Variants in ITGAL observed in about 807,000 individuals in gnomAD.
ITGAL encodes the protein integrin subunit alpha L.
Under a neutral mutation model 138.4 loss-of-function variants are expected in ITGAL, and 68 were observed. The observed-to-expected ratio is 0.49, with a 90% CI of 0.40 to 0.60. The LOEUF (loss-of-function observed/expected upper bound fraction) is 0.60. Among genes scored for constraint, ITGAL ranks in the 20% least tolerant of loss-of-function variants. ITGAL has a pLI of 0.00. For missense variants in ITGAL, 1,256 were observed against 1,478.6 expected (o/e 0.85, Z 2.47); for synonymous variants, 561 against 584.3 (o/e 0.96, Z 0.57).
rs201140268 is a variant in ITGAL at position 30,499,029 on chromosome 16, G to A, written c.1833-45G>A. 1.2e-4 allele frequency: 193 copies of A among 1,589,166 alleles called. No individual in the cohort carries two copies. In the African/African-American group the frequency reaches 2.3e-3, roughly 19 times the overall value. On this transcript the variant is annotated intron_variant, in intron 15 of 30. Transcript: ENST00000356798. Reference sequence around the variant, plus strand: ...GAGCCCCACATCTGAGGGGGGACGTGCAGTTGGGTTGGAGGGAGAGAGTTG... The same window carrying A: ...GAGCCCCACATCTGAGGGGGGACGTACAGTTGGGTTGGAGGGAGAGAGTTG...
rs1490182943 is a variant in ITGAL at position 30,519,820 on chromosome 16, A to G, written c.3229-37A>G. 2.1e-6 allele frequency: 3 copies of G among 1,403,438 alleles called. No individual in the cohort carries two copies. The East Asian group carries it at 6.8e-5, about 32-fold the overall frequency. The allele number at this position is 1,403,438 out of a possible 1,614,324, so 86.9% of individuals were successfully genotyped here. ...TTCACAGGGACTTTCAGGGGTGGAAAAGGCATTTTCCGGCACTCCCCTCCC... is the reference window on the plus strand; with the variant it reads ...TTCACAGGGACTTTCAGGGGTGGAAGAGGCATTTTCCGGCACTCCCCTCCC... On this transcript the variant is annotated intron_variant, in intron 29 of 30. Transcript: ENST00000356798.
chr16:30,521,436 T>C, intron 30 of ITGAL, 56 bp from the exon 31 acceptor site: 1 of 1,523,942 alleles, frequency 6.6e-7, no homozygotes, highest in South Asian at 1.2e-5. Flanking sequence ...TCACATTTTC[T>C]TGGGGCCAAA....
rs774887449 is a variant in ITGAL at position 30,510,917 on chromosome 16, A to G, written c.2656A>G (p.Ser886Gly). Reference protein sequence around the residue: ...LQMMFNTLVNSSWGDSVELHA... With the variant: ...LQMMFNTLVNGSWGDSVELHA... ...GATGATGTTTAATACACTGGTAAAC[A>G]GCTCCTGGGGGGACTCGGTTGAATT... Residue 886 changes from serine (S) to glycine (G), a missense_variant, in exon 23 of 31, where the codon AGC becomes GGC. This residue lies in a region of ITGAL where 867 missense variants were observed against 972.5 expected (regional missense o/e 0.89). Transcript: ENST00000356798. The G allele has an allele frequency of 6.2e-7, 1 of 1,614,106 alleles. No homozygotes were observed. Among genetic ancestry groups the G allele is most frequent in the South Asian group, 1.1e-5 (1 of 91,078 alleles).
chr16:30,475,734 CTTTT>C (rs35994365), intron 4 of ITGAL, among the ~76,000 whole-genome samples, 154 bp downstream of exon 4: 5 of 81,298 alleles, frequency 6.2e-5, no homozygotes, highest in Admixed American at 2.4e-4. Flanking sequence ...ATGAACCAGC[CTTTT>C]TTTTTTTTTT....
chr16:30,486,157 T>C (rs906975971), intron 9 of ITGAL, among the ~76,000 whole-genome samples: 7 of 152,184 alleles, frequency 4.6e-5, no homozygotes, highest in Non-Finnish European at 1.5e-5. Context: ...ATGTGATTCC[T>C]ACAGGAAAGT....
chr16:30,517,138 A>G, intron 26 of ITGAL, 52 bp downstream of exon 26: 1 of 1,211,244 alleles, frequency 8.3e-7, no homozygotes. Flanking sequence ...CTTGGGGGTG[A>G]GTGCATTTGA....
At position 30,494,650 on chromosome 16, in the gene ITGAL, A is replaced by G. The variant is rs1320339361; in HGVS notation, c.1366-63A>G. The G allele has an allele frequency of 4.5e-6, 7 of 1,538,644 alleles. No homozygotes were observed. The highest frequency in any genetic ancestry group is 6.2e-6 in the Non-Finnish European group (7 of 1,137,502). On this transcript the variant is annotated intron_variant, in intron 12 of 30. Transcript: ENST00000356798. This position sits in a 1 kb window ranked among gnomAD's most constrained non-coding sequence, Gnocchi z 4.2. ...GGCACAAGATGAACACGGTACAGGT[A>G]TCTCCCTGCCAACCCCTGCTGTTCC...
intron 21 of ITGAL, among the ~76,000 whole-genome samples, chr16:30,507,404 G>A (rs1023051021): frequency 2.7e-5 from 4 of 149,454 alleles, no homozygotes; most frequent in Admixed American, 6.7e-5. Flanking sequence ...AGCCTGCAGC[G>A]AGCCGAGATC....
rs1308564079 is a variant in ITGAL, at chr16:30,492,096, T to G, written c.1214-2116T>G. On this transcript the variant is annotated intron_variant, in intron 11 of 30. Coordinates refer to ENST00000356798, the MANE Select transcript of ITGAL (RefSeq NM_002209.3). ...TCAGTGACTCATCTCAGAGGATTCTTGCTGGTGGCTCTTGGCTCTAGCCCA... is the reference window on the plus strand; with the variant it reads ...TCAGTGACTCATCTCAGAGGATTCTGGCTGGTGGCTCTTGGCTCTAGCCCA... Among the ~76,000 whole-genome samples the G allele has an allele frequency of 3.9e-5, 6 of 152,270 alleles. No individual in the cohort carries two copies. The East Asian group carries it at 1.2e-3, about 29-fold the overall frequency.
intron 1 of ITGAL, 73 bp downstream of exon 1, chr16:30,472,971 G>A: frequency 7.1e-7 from 1 of 1,411,122 alleles, no homozygotes; most frequent in Non-Finnish European, 1.0e-6. Flanking sequence ...GGTGCAGCTG[G>A]AGTAAACAAG....
intron 28 of ITGAL, 124 bp downstream of exon 28, chr16:30,518,019 A>AT (rs1408390451): frequency 2.7e-6 from 2 of 739,946 alleles, no homozygotes; most frequent in Non-Finnish European, 4.8e-6. Context: ...GAAAAATCCC[A>AT]TTTACACAGT....
chr16:30,502,817 C>CT (rs71149035), intron 17 of ITGAL, among the ~76,000 whole-genome samples: 200 of 67,374 alleles, frequency 3.0e-3, no homozygotes, highest in East Asian at 0.018. Flanking sequence ...TTGTTTTAAA[C>CT]TTTTTTTTTT....
At chr16:30,517,135 G>A (rs761432740) in intron 26 of ITGAL, 49 bp downstream of exon 26, 4 of 1,269,098 alleles carry the variant, frequency 3.2e-6, no homozygotes, top group African/African-American at 1.5e-5. Flanking sequence ...GGTCTTGGGG[G>A]TGAGTGCATT....
At chr16:30,503,803 A>C (rs2050942227) in intron 17 of ITGAL, 1 of 168,732 alleles carries the variant, frequency 5.9e-6, no homozygotes, top group African/African-American at 2.4e-5. Flanking sequence ...ACCCAGCCCT[A>C]TTCTCAAGGA....
chr16:30,483,514 T>C (rs2050588931), intron 7 of ITGAL, among the ~76,000 whole-genome samples: 1 of 151,812 alleles, frequency 6.6e-6, no homozygotes, highest in Non-Finnish European at 1.5e-5. Context: ...GATTAAAGAG[T>C]GGTGGCCATG....
At chr16:30,487,105 C>T (rs1001287222) in intron 9 of ITGAL, among the ~76,000 whole-genome samples, 42 of 148,844 alleles carry the variant, frequency 2.8e-4, no homozygotes, top group African/African-American at 1.0e-3. Flanking sequence ...ATTGTGCCAC[C>T]GCCCTCCAGC....
rs1235955859 is a variant in ITGAL at position 30,479,399 on chromosome 16, T to C, written c.514T>C (p.Phe172Leu). 1 of 1,613,976 alleles carries C rather than the reference T, an allele frequency of 6.2e-7. No individual in the cohort carries two copies. The highest frequency in any genetic ancestry group is 8.5e-7 in the Non-Finnish European group (1 of 1,180,002). Reference protein sequence around the residue: ...DGSMSLQPDEFQKILDFMKDV... With the variant: ...DGSMSLQPDELQKILDFMKDV... ...TTCGATGAGCTTGCAGCCAGATGAA[T>C]TTCAGAAAATTCTGGACTTCATGAA... is the stretch of plus-strand genomic sequence containing the variant. The change falls in exon 6 of 31, where the codon TTT becomes CTT. Residue 172 changes from phenylalanine (F) to leucine (L), a missense_variant. Transcript: ENST00000356798.
chr16:30,504,484 C>CCT (rs1320087010), intron 18 of ITGAL, among the ~76,000 whole-genome samples: 1 of 152,034 alleles, frequency 6.6e-6, no homozygotes, highest in Non-Finnish European at 1.5e-5. Flanking sequence ...TGATGGTGCA[C>CCT]TTGAGGCCAG....
chr16:30,506,031 G>A (rs1377367195), intron 20 of ITGAL, among the ~76,000 whole-genome samples: 2 of 152,182 alleles, frequency 1.3e-5, no homozygotes, highest in Admixed American at 6.6e-5. Flanking sequence ...AGGCCAAGGC[G>A]GGCAGATCAC....
Sources: gnomAD v4.1 joint callset for allele counts (sites outside exome capture counted in the v4.1 genomes callset) on GRCh38, gnomAD v4.1.1 for gene constraint, gnomAD v4.1.1 regional missense constraint, Gnocchi (gnomAD v3.1) non-coding constraint, MANE v1.5 for transcripts, NCBI Gene and HGNC (gene_info 2026-07-23, HGNC 2026-07-21) for gene names.